ZBTB20: variants seen among roughly 807,000 people sequenced by gnomAD.
The protein encoded by ZBTB20 is zinc finger and BTB domain containing 20, also known as zinc finger and BTB domain-containing protein 20.
Under a neutral mutation model 56.9 loss-of-function variants are expected in ZBTB20, and 9 were observed. That is an observed-to-expected ratio of 0.16 (90% CI 0.10 to 0.28). The LOEUF (loss-of-function observed/expected upper bound fraction) is 0.28. Ranked by LOEUF, ZBTB20 falls within the 10% of genes least tolerant of loss-of-function variation. ZBTB20 has a pLI of 1.00. For missense variants in ZBTB20, 655 were observed against 1,003.0 expected (o/e 0.65, Z 4.69); for synonymous variants, 417 against 420.7 (o/e 0.99, Z 0.11).
chr3:115,092,823 T>C (rs1324203339), intron 1 of ZBTB20, among the ~76,000 whole-genome samples: 2 of 152,254 alleles, frequency 1.3e-5, no homozygotes, highest in Middle Eastern at 3.4e-3. Flanking sequence ...GACTCAATAA[T>C]ACATTATGAT....
At chr3:114,854,508 T>A (rs2075149512) in intron 4 of ZBTB20, among the ~76,000 whole-genome samples, 1 of 152,202 alleles carries the variant, frequency 6.6e-6, no homozygotes, top group Non-Finnish European at 1.5e-5. Context: ...TTTGTCTTTG[T>A]TTCTTTGGTA....
chr3:114,818,293 A>G, intron 4 of ZBTB20, among the ~76,000 whole-genome samples: 1 of 152,172 alleles, frequency 6.6e-6, no homozygotes, highest in East Asian at 1.9e-4. Context: ...GTGACATGTT[A>G]TACCATTAGG....
intron 3 of ZBTB20, among the ~76,000 whole-genome samples, chr3:114,945,178 A>G (rs1237992698): frequency 6.9e-6 from 1 of 145,384 alleles, no homozygotes; most frequent in East Asian, 1.9e-4. Context: ...GAATTCTCTA[A>G]CCAATGAAAG....
intron 6 of ZBTB20, among the ~76,000 whole-genome samples, chr3:114,605,335 AT>A (rs2107653556): frequency 6.6e-6 from 1 of 152,276 alleles, no homozygotes; most frequent in South Asian, 2.1e-4. Flanking sequence ...AAGCTCCTAA[AT>A]TTCCTATTTC....
rs1163631680 is a variant in ZBTB20, at chr3:114,787,372, C to CAT, written c.-343+13728_-343+13729insAT. Among the ~76,000 whole-genome samples the CAT allele has an allele frequency of 1.3e-3, 160 of 122,058 alleles. 1 individual carries two copies. Among genetic ancestry groups the CAT allele is most frequent in the Middle Eastern group, 4.6e-3 (1 of 218 alleles). 80.1% of individuals were successfully genotyped at this position (122,058 alleles called of 152,430 possible). ...ATATATATATATATATATATATACACACACACACACACACACACACATATA... is the reference window on the plus strand; with the variant it reads ...ATATATATATATATATATATATACACATACACACACACACACACACACATATA... On this transcript the variant is annotated intron_variant, in intron 5 of 11. Transcript: ENST00000675478.
chr3:114,780,679 G>A (rs942922237), intron 5 of ZBTB20, among the ~76,000 whole-genome samples: 1 of 152,058 alleles, frequency 6.6e-6, no homozygotes, highest in Admixed American at 6.6e-5. Context: ...GTATAGATGG[G>A]GTTTCACCAT....
rs72945790 is a variant in ZBTB20 at position 115,127,891 on chromosome 3, T to C, written c.-703+19328A>G. ...TGAAAGACACTTCTTTCCTAAATTATAAGAAACTGAAATAATAAGAATTAA... is the reference window on the plus strand; with the variant it reads ...TGAAAGACACTTCTTTCCTAAATTACAAGAAACTGAAATAATAAGAATTAA... On this transcript the variant is annotated intron_variant, in intron 1 of 11. Coordinates refer to ENST00000675478, the MANE Select transcript of ZBTB20 (RefSeq NM_001348800.3). Among the ~76,000 whole-genome samples, 892 of 152,310 alleles carry C rather than the reference T, an allele frequency of 5.9e-3. 12 individuals are homozygous for C. Among genetic ancestry groups the C allele is most frequent in the African/African-American group, 0.021 (862 of 41,576 alleles).
chr3:114,757,781 C>T (rs2068113487), intron 5 of ZBTB20, among the ~76,000 whole-genome samples: 1 of 151,978 alleles, frequency 6.6e-6, no homozygotes, highest in African/African-American at 2.4e-5. Context: ...TTACTTGGCT[C>T]AAGGAATAGA....
intron 7 of ZBTB20, among the ~76,000 whole-genome samples, chr3:114,457,793 A>G (rs2109095216): frequency 6.6e-6 from 1 of 152,322 alleles, no homozygotes; most frequent in African/African-American, 2.4e-5. Flanking sequence ...GCTCAAGATC[A>G]CACGCCTAGC....
rs191391194 is a variant in ZBTB20 at position 114,646,956 on chromosome 3, T to C, written c.-295+46572A>G. ...ATCAAGGCAGTTTTATTTTATTTTA[T>C]TTTATTTATTTATTTTTTTTTAGAC... On this transcript the variant is annotated intron_variant, in intron 6 of 11. Coordinates refer to ENST00000675478, the MANE Select transcript of ZBTB20 (RefSeq NM_001348800.3). Among the ~76,000 whole-genome samples, 435 of 152,178 alleles carry C rather than the reference T, an allele frequency of 2.9e-3. 10 individuals carry two copies. Among genetic ancestry groups the C allele is most frequent in the Admixed American group, 0.026 (395 of 15,286 alleles).
intron 2 of ZBTB20, among the ~76,000 whole-genome samples, chr3:115,040,697 G>A (rs750392558): frequency 6.6e-6 from 1 of 152,056 alleles, no homozygotes; most frequent in African/African-American, 2.4e-5. Context: ...TTAATCTTGG[G>A]CACAAAGAAA....
At chr3:114,872,004 G>A (rs894816548) in intron 4 of ZBTB20, among the ~76,000 whole-genome samples, 1 of 151,892 alleles carries the variant, frequency 6.6e-6, no homozygotes, top group Non-Finnish European at 1.5e-5. Flanking sequence ...TCTGCCTAGA[G>A]TTTACTTTCA....
intron 4 of ZBTB20, among the ~76,000 whole-genome samples, chr3:114,830,161 C>T (rs2073768928): frequency 6.6e-6 from 1 of 151,758 alleles, no homozygotes; most frequent in African/African-American, 2.4e-5. Context: ...TGAAAGTCAG[C>T]CCAGCATGAA....
chr3:114,662,527 T>G (rs2060796686), intron 6 of ZBTB20, among the ~76,000 whole-genome samples: 1 of 144,660 alleles, frequency 6.9e-6, no homozygotes, highest in South Asian at 2.4e-4. Flanking sequence ...ACCAACAGTG[T>G]AAAAGTGTTC....
intron 9 of ZBTB20, 101 bp downstream of exon 9, chr3:114,380,676 A>G: frequency 1.4e-6 from 2 of 1,418,752 alleles, no homozygotes; most frequent in Non-Finnish European, 1.8e-6. Flanking sequence ...AGAACTTTAG[A>G]CAGCTTGAGC....
At chr3:114,654,840 A>G (rs1234520247) in intron 6 of ZBTB20, among the ~76,000 whole-genome samples, 1 of 152,180 alleles carries the variant, frequency 6.6e-6, no homozygotes, top group Admixed American at 6.5e-5. Flanking sequence ...TTGTGTCTAC[A>G]TGTTTATGAC....
In ZBTB20 at chr3:114,389,653, G is replaced by C. The variant is rs1442134342; in HGVS notation, c.-254-548C>G. 9.2e-5 allele frequency among the ~76,000 whole-genome samples: 14 copies of C among 152,010 alleles called. No homozygotes were observed. In the East Asian group the frequency reaches 2.7e-3, roughly 29 times the overall value. ...ACCTGTAATCCCAGCACTTTGGGAG[G>C]CCGAGGTGTGAGGATCACGAGGTCA... On this transcript the variant is annotated intron_variant, in intron 7 of 11. Transcript: ENST00000675478.
intron 6 of ZBTB20, among the ~76,000 whole-genome samples, chr3:114,626,786 T>C (rs149885973): frequency 2.0e-5 from 3 of 152,300 alleles, no homozygotes; most frequent in Non-Finnish European, 4.4e-5. Context: ...ATAAAAGTGT[T>C]ATTGGCCTTA....
intron 10 of ZBTB20, among the ~76,000 whole-genome samples, chr3:114,363,775 C>A (rs2082116254): frequency 6.6e-6 from 1 of 152,216 alleles, no homozygotes; most frequent in Non-Finnish European, 1.5e-5. Flanking sequence ...AGAGCTCACA[C>A]AGCCAACAAA....
Sources: allele counts gnomAD v4.1 joint callset (sites outside exome capture counted in the v4.1 genomes callset), GRCh38; gene constraint gnomAD v4.1.1; transcripts MANE v1.5; gene names NCBI Gene and HGNC (gene_info 2026-07-23, HGNC 2026-07-21).